NFX1: variants seen among roughly 807,000 people sequenced by gnomAD.
The protein encoded by NFX1 is nuclear transcription factor, X-box binding 1.
A neutral mutation model predicts 137.2 loss-of-function variants in NFX1; 69 were observed. That is an observed-to-expected ratio of 0.50 (90% CI 0.41 to 0.61). The LOEUF (loss-of-function observed/expected upper bound fraction) is 0.61, where lower values mean the gene tolerates loss of function less well. Among genes scored for constraint, NFX1 ranks in the 20% least tolerant of loss-of-function variants. The pLI, the probability that NFX1 is intolerant of heterozygous loss-of-function variation, is 0.00. For synonymous variants in NFX1, 495 were observed against 474.1 expected, an observed-to-expected ratio of 1.04 and a Z score of -0.57; for missense variants, 1,167 against 1,391.0, an observed-to-expected ratio of 0.84 and a Z score of 2.56.
intron 5 of NFX1, among the ~76,000 whole-genome samples, chr9:33,309,343 C>T (rs547107725): frequency 2.8e-4 from 39 of 137,822 alleles, no homozygotes; most frequent in African/African-American, 9.3e-4. Context: ...GGCTACAGAG[C>T]AAGACTCCGT....
intron 11 of NFX1, among the ~76,000 whole-genome samples, chr9:33,335,016 ATGC>A (rs1822945461): frequency 6.6e-6 from 1 of 152,200 alleles, no homozygotes; most frequent in African/African-American, 2.4e-5. Context: ...CATTTTATTT[ATGC>A]TGAAGTACTT....
chr9:33,313,713 T>C lies in NFX1; in HGVS notation c.1508T>C (p.Ile503Thr). Residue 503 changes from isoleucine (I) to threonine (T), a missense_variant, in exon 7 of 24, where the codon ATT (isoleucine) becomes ACT (threonine). Physicochemically the swap from Ile to Thr is moderately conservative, Grantham distance 89 (BLOSUM62 -1). This residue lies in a region of NFX1 where 488 missense variants were observed against 691.5 expected (regional missense o/e 0.71). Transcript: ENST00000379540. ...CACTGTTCTAACCCATGTGAGAATA[T>C]TTTGAACTGTGGTCAGCACCAGTGT... ...SVHCSNPCEN[I>T]LNCGQHQCAE... 1.2e-6 allele frequency: 2 copies of C among 1,614,132 alleles called. No homozygotes were observed. Among genetic ancestry groups the C allele is most frequent in the Non-Finnish European group, 1.7e-6 (2 of 1,179,988 alleles).
At chr9:33,332,880 C>G (rs1045565860) in intron 11 of NFX1, among the ~76,000 whole-genome samples, 5 of 152,350 alleles carry the variant, frequency 3.3e-5, no homozygotes, top group Non-Finnish European at 5.9e-5. Context: ...GAGTCTCGCT[C>G]TGTTTCGCAG....
At chr9:33,314,974 A>G (rs1161428750) in intron 7 of NFX1, among the ~76,000 whole-genome samples, 4 of 152,310 alleles carry the variant, frequency 2.6e-5, no homozygotes, top group Non-Finnish European at 4.4e-5. Flanking sequence ...AATAGAAAAA[A>G]ATTTTTTAAT....
At chr9:33,321,968 A>T (rs1822401594) in intron 9 of NFX1, among the ~76,000 whole-genome samples, 1 of 151,866 alleles carries the variant, frequency 6.6e-6, no homozygotes, top group African/African-American at 2.4e-5. Flanking sequence ...TGGGATGCTG[A>T]GGTGGGCAGA....
At chr9:33,369,697 C>T (rs757354935) in intron 23 of NFX1, among the ~76,000 whole-genome samples, 1 of 151,918 alleles carries the variant, frequency 6.6e-6, no homozygotes, top group African/African-American at 2.4e-5. Context: ...GAATAAAATT[C>T]CCCATGTAAT....
intron 7 of NFX1, among the ~76,000 whole-genome samples, chr9:33,316,311 CTTT>C (rs76394304): frequency 7.1e-6 from 1 of 140,802 alleles, no homozygotes; most frequent in Non-Finnish European, 1.6e-5. Flanking sequence ...CTTACCAAGC[CTTT>C]TTTTTTTTTT....
Position 33,295,380 on chromosome 9 carries a change from C to T in NFX1, c.986C>T (p.Ser329Phe), listed in dbSNP as rs1251488418. 1 of 1,614,072 alleles carries T rather than the reference C, an allele frequency of 6.2e-7. No homozygotes were observed. The highest frequency in any genetic ancestry group is 1.7e-5 in the Admixed American group (1 of 60,026). Reference sequence around the variant, plus strand: ...GATCCTCAAGTAGTATCTCCTTTCTCCCGAGGCAAACAGAACCATGTGCTA... The same window carrying T: ...GATCCTCAAGTAGTATCTCCTTTCTTCCGAGGCAAACAGAACCATGTGCTA... ...RQDPQVVSPF[S>F]RGKQNHVLKN... is the part of the protein sequence containing the mutation. The change falls in exon 2 of 24, where the codon TCC (serine) becomes TTC (phenylalanine). Residue 329 changes from serine to phenylalanine, a missense_variant. Transcript: ENST00000379540.
intron 22 of NFX1, among the ~76,000 whole-genome samples, chr9:33,366,987 A>G (rs1824188445): frequency 6.6e-6 from 1 of 152,250 alleles, no homozygotes; most frequent in African/African-American, 2.4e-5. Flanking sequence ...TGCACTCAAA[A>G]TGCACAAGTG....
intron 5 of NFX1, among the ~76,000 whole-genome samples, chr9:33,310,791 C>G (rs1246195786): frequency 1.3e-5 from 2 of 152,206 alleles, no homozygotes; most frequent in Non-Finnish European, 2.9e-5. Context: ...TTTATCCCCA[C>G]ACACTGCTGT....
chr9:33,319,272 C>T (rs1222886688), intron 9 of NFX1, 145 bp downstream of exon 9: 2 of 702,462 alleles, frequency 2.8e-6, no homozygotes, highest in Non-Finnish European at 2.3e-6. Flanking sequence ...GGTACGTTTT[C>T]TTTCCTCCTC....
chr9:33,299,385 T>A (rs1253005793), intron 2 of NFX1, among the ~76,000 whole-genome samples: 2 of 152,186 alleles, frequency 1.3e-5, no homozygotes, highest in African/African-American at 4.8e-5. Flanking sequence ...TTTATTTACT[T>A]CTTATTCAGG....
intron 16 of NFX1, 84 bp from the exon 17 acceptor site, chr9:33,352,562 T>G (rs1823674682): frequency 8.3e-7 from 1 of 1,201,228 alleles, no homozygotes; most frequent in African/African-American, 1.5e-5. Flanking sequence ...CTGCTATGGT[T>G]TAAGAGAGGA....
chr9:33,315,947 C>T (rs962250302), intron 7 of NFX1, among the ~76,000 whole-genome samples: 1 of 151,534 alleles, frequency 6.6e-6, no homozygotes, highest in Admixed American at 6.6e-5. Context: ...TTGTGGGATC[C>T]ACGAAAACCA....
chr9:33,356,049 A>G (rs1823800204), intron 19 of NFX1, among the ~76,000 whole-genome samples: 1 of 152,246 alleles, frequency 6.6e-6, no homozygotes. Context: ...GTTCAGCATT[A>G]GTAGATTCTG....
intron 9 of NFX1, among the ~76,000 whole-genome samples, chr9:33,327,221 C>T (rs1745744661): frequency 6.6e-6 from 1 of 152,188 alleles, no homozygotes; most frequent in South Asian, 2.1e-4. Context: ...GGTGGAATCT[C>T]ACTCTATTTC....
rs138880149 is a variant in NFX1 at position 33,295,014 on chromosome 9, G to C, written c.620G>C (p.Ser207Thr). The change falls in exon 2 of 24, where the codon AGT (serine) becomes ACT (threonine). Residue 207 changes from serine to threonine, a missense_variant. Transcript: ENST00000379540. ...TPKPEDAGPE[S>T]TKPVGVFHPD... ...AAACCGGAGGATGCTGGACCCGAAAGTACCAAACCTGTGGGGGTTTTCCAC... is the reference window on the plus strand; with the variant it reads ...AAACCGGAGGATGCTGGACCCGAAACTACCAAACCTGTGGGGGTTTTCCAC... The C allele has an allele frequency of 1.3e-4, 215 of 1,614,192 alleles. No individual in the cohort carries two copies. The African/African-American group carries it at 2.7e-3, about 21-fold the overall frequency.
Position 33,364,119 on chromosome 9 carries a change from T to C in NFX1, c.2972+11T>C. 1 of 1,577,420 alleles carries C rather than the reference T, an allele frequency of 6.3e-7. No homozygotes were observed. The highest frequency in any genetic ancestry group is 8.6e-7 in the Non-Finnish European group (1 of 1,157,476). On this transcript the variant is annotated intron_variant, in intron 20 of 23. Coordinates refer to ENST00000379540, the MANE Select transcript of NFX1 (RefSeq NM_002504.6). ...GAAAGAAGATGCCAGGTATGTAACT[T>C]GTTACCTGCTTTCTTAATTGTGGCT...
chr9:33,328,903 C>T (rs1428676961), intron 10 of NFX1, among the ~76,000 whole-genome samples: 1 of 152,162 alleles, frequency 6.6e-6, no homozygotes, highest in Non-Finnish European at 1.5e-5. Flanking sequence ...TGCAAGGAGT[C>T]AGCCAACTAA....
Sources: gnomAD v4.1 joint callset for allele counts (sites outside exome capture counted in the v4.1 genomes callset) on GRCh38, gnomAD v4.1.1 for gene constraint, gnomAD v4.1.1 regional missense constraint, MANE v1.5 for transcripts, NCBI Gene and HGNC (gene_info 2026-07-23, HGNC 2026-07-21) for gene names.